BACE1: variants seen among roughly 807,000 people sequenced by gnomAD.
The protein encoded by BACE1 is beta-secretase 1.
BACE1 carries 21 observed loss-of-function variants against 54.0 expected under a neutral mutation model. That is an observed-to-expected ratio of 0.39 (90% CI 0.28 to 0.56). The LOEUF is 0.56. BACE1 is among the 20% of genes least tolerant of loss of function. The pLI, the probability that BACE1 is intolerant of heterozygous loss-of-function variation, is 0.63. For missense variants in BACE1, 511 were observed against 661.2 expected (o/e 0.77, Z 2.49); for synonymous variants, 232 against 260.9 (o/e 0.89, Z 1.07).
chr11:117,309,969 C>T (rs754705625), intron 1 of BACE1, among the ~76,000 whole-genome samples: 4 of 151,240 alleles, frequency 2.6e-5, no homozygotes, highest in African/African-American at 4.9e-5. Flanking sequence ...AGTGCAGTGG[C>T]GCAATCTCGG....
chr11:117,305,014 G>T, intron 1 of BACE1, among the ~76,000 whole-genome samples: 2 of 143,980 alleles, frequency 1.4e-5, no homozygotes, highest in South Asian at 2.2e-4. Flanking sequence ...CCAGGCTGTA[G>T]TGCAGTGGTG....
intron 1 of BACE1, among the ~76,000 whole-genome samples, chr11:117,304,511 A>G (rs2034788824): frequency 6.6e-6 from 1 of 152,244 alleles, no homozygotes; most frequent in Admixed American, 6.5e-5. Context: ...GGCACCAACC[A>G]TAGGTCAACC....
intron 1 of BACE1, 171 bp from the exon 2 acceptor site, chr11:117,297,132 G>C (rs771246275): frequency 1.2e-4 from 67 of 581,784 alleles, no homozygotes; most frequent in Non-Finnish European, 1.7e-4. Flanking sequence ...ACCACAGACA[G>C]GACCTGGGGT....
intron 1 of BACE1, among the ~76,000 whole-genome samples, chr11:117,306,178 C>T (rs2034829801): frequency 6.6e-6 from 1 of 152,192 alleles, no homozygotes; most frequent in African/African-American, 2.4e-5. Context: ...TCCTCTGCTT[C>T]CCTCCCCTGC....
chr11:117,303,717 C>A (rs912967617), intron 1 of BACE1, among the ~76,000 whole-genome samples: 27 of 152,168 alleles, frequency 1.8e-4, no homozygotes, highest in African/African-American at 6.0e-4. Flanking sequence ...TTTGCAAAAG[C>A]CTCTGGAGTG....
intron 1 of BACE1, among the ~76,000 whole-genome samples, chr11:117,306,779 C>G (rs867302766): frequency 6.6e-6 from 1 of 152,072 alleles, no homozygotes; most frequent in Non-Finnish European, 1.5e-5. Context: ...CCACCGCACT[C>G]CAGCCTGGGC....
In BACE1 at chr11:117,287,979, G is replaced by A. The variant is rs1046532012; in HGVS notation, c.*1587C>T. Reference sequence around the variant, plus strand: ...ACCAGGTAGGAGTAGGATGCAGTGGGTATACTAGGAAAACCCAGCTCTTCC... The same window carrying A: ...ACCAGGTAGGAGTAGGATGCAGTGGATATACTAGGAAAACCCAGCTCTTCC... On this transcript the variant is annotated 3_prime_UTR_variant, in exon 9 of 9. Transcript: ENST00000313005. 3.9e-5 allele frequency: 6 copies of A among 152,612 alleles called. No individual in the cohort carries two copies. The highest frequency in any genetic ancestry group is 5.9e-5 in the Non-Finnish European group (4 of 68,058). 9.5% of individuals were successfully genotyped at this position (152,612 alleles called of 1,614,324 possible). A position where few individuals can be genotyped will look rare whatever the true frequency, so the allele number is the denominator to read the frequency against.
intron 1 of BACE1, among the ~76,000 whole-genome samples, chr11:117,303,237 C>T (rs574558145): frequency 2.6e-5 from 4 of 152,246 alleles, no homozygotes; most frequent in Non-Finnish European, 5.9e-5. Flanking sequence ...CGGGAGTCAT[C>T]GTCTTTGTCC....
intron 1 of BACE1, among the ~76,000 whole-genome samples, chr11:117,301,820 A>C (rs921338605): frequency 2.0e-5 from 3 of 151,966 alleles, no homozygotes; most frequent in African/African-American, 7.3e-5. Flanking sequence ...TAAGCTCCTT[A>C]CAAGTCTCTT....
At chr11:117,307,025 C>T (rs574603) in intron 1 of BACE1, among the ~76,000 whole-genome samples, 113,892 of 151,962 alleles carry the variant, frequency 0.75, 43,811 homozygotes, top group East Asian at 0.94. Flanking sequence ...AGCTCCCCCA[C>T]GTCAGAATCC....
chr11:117,294,186 GGACA>G, intron 3 of BACE1, 178 bp from the exon 4 acceptor site: 1 of 574,394 alleles, frequency 1.7e-6, no homozygotes. Context: ...AATGCAAACA[GGACA>G]GTATTGATAG....
At position 117,286,384 on chromosome 11, in the gene BACE1, C is replaced by T. The variant is rs988749936; in HGVS notation, c.*3182G>A. 2.0e-5 allele frequency: 3 copies of T among 152,170 alleles called. No individual in the cohort carries two copies. Among genetic ancestry groups the T allele is most frequent in the Non-Finnish European group, 2.9e-5 (2 of 68,018 alleles). 9.4% of individuals were successfully genotyped at this position (152,170 alleles called of 1,614,324 possible). On this transcript the variant is annotated 3_prime_UTR_variant, in exon 9 of 9. Coordinates refer to ENST00000313005, the MANE Select transcript of BACE1 (RefSeq NM_012104.6). ...TTAGAGCTTTGAATCTTTTCCTATC[C>T]TTTTATCTTTACTCCTACAGGGAAT... is the stretch of plus-strand genomic sequence containing the variant.
intron 2 of BACE1, among the ~76,000 whole-genome samples, chr11:117,296,642 C>T (rs928069016): frequency 6.6e-6 from 1 of 152,166 alleles, no homozygotes; most frequent in African/African-American, 2.4e-5. Flanking sequence ...CCTGTCTCAG[C>T]ACTGAAGCAC....
At chr11:117,300,455 C>G (rs578204620) in intron 1 of BACE1, among the ~76,000 whole-genome samples, 1 of 152,178 alleles carries the variant, frequency 6.6e-6, no homozygotes, top group South Asian at 2.1e-4. Context: ...CCATTCCAAG[C>G]GGGGGGATGG....
At chr11:117,295,584 C>T (rs1430733863) in intron 2 of BACE1, 4 of 1,535,482 alleles carry the variant, frequency 2.6e-6, no homozygotes, top group Non-Finnish European at 3.5e-6. Context: ...GCTCATATTC[C>T]TAGATCTTGA....
Position 117,286,099 on chromosome 11 carries a change from TGAG to T in BACE1, c.*3464_*3466del, listed in dbSNP as rs1363408809. The stretch of plus-strand genomic sequence containing the variant: ...GGTGAGCTCCAGACAGGCACTGGGG[TGAG>T]GAGATGTCTGTGCAAAATTACTTGT... On this transcript the variant is annotated 3_prime_UTR_variant, in exon 9 of 9. Transcript: ENST00000313005. 6.6e-6 allele frequency: 1 copy of T among 152,510 alleles called. No individual in the cohort carries two copies. The allele number at this position is 152,510 out of a possible 1,614,324, so 9.4% of individuals were successfully genotyped here. A position where few individuals can be genotyped will look rare whatever the true frequency, so the allele number is the denominator to read the frequency against.
chr11:117,303,974 G>A (rs1440903246), intron 1 of BACE1, among the ~76,000 whole-genome samples: 1 of 152,224 alleles, frequency 6.6e-6, no homozygotes, highest in Non-Finnish European at 1.5e-5. Context: ...CAAGCCTTAA[G>A]TGTGGTCTTT....
chr11:117,308,328 A>C (rs2034875570), intron 1 of BACE1, among the ~76,000 whole-genome samples: 1 of 152,078 alleles, frequency 6.6e-6, no homozygotes, highest in Non-Finnish European at 1.5e-5. Flanking sequence ...CTCAAAGAAC[A>C]AGTCTATTTT....
Position 117,290,962 on chromosome 11 carries a change from T to A in BACE1, c.1030A>T (p.Ile344Phe). Residue 344 changes from isoleucine (I) to phenylalanine (F), a missense_variant, in exon 7 of 9, where the codon ATC (isoleucine) becomes TTC (phenylalanine). By Grantham distance (21) the Ile-to-Phe change is conservative (BLOSUM62 0). Around this residue, in one of 2 missense-constraint regions of BACE1, gnomAD observed 407 missense variants for 565.7 expected, o/e 0.72. Transcript: ENST00000313005. Reference protein sequence around the residue: ...GTTPWNIFPVISLYLMGEVTN... With the variant: ...GTTPWNIFPVFSLYLMGEVTN... ...ACCTCACCCATTAGGTAGAGTGAGATGACTGGGAAAATGTTCCAAGGGGTG... is the reference window on the plus strand; with the variant it reads ...ACCTCACCCATTAGGTAGAGTGAGAAGACTGGGAAAATGTTCCAAGGGGTG... The A allele has an allele frequency of 6.2e-7, 1 of 1,614,158 alleles. No homozygotes were observed. Among genetic ancestry groups the A allele is most frequent in the Non-Finnish European group, 8.5e-7 (1 of 1,180,038 alleles).
Sources: gnomAD v4.1 joint callset for allele counts (sites outside exome capture counted in the v4.1 genomes callset) on GRCh38, gnomAD v4.1.1 for gene constraint, gnomAD v4.1.1 regional missense constraint, MANE v1.5 for transcripts, NCBI Gene and HGNC (gene_info 2026-07-23, HGNC 2026-07-21) for gene names.